The following SUZ12 variants were observed in gnomAD, a reference collection of about 807,000 sequenced individuals.
SUZ12 encodes the protein SUZ12 polycomb repressive complex 2 subunit.
Under a neutral mutation model 87.3 loss-of-function variants are expected in SUZ12, and 17 were observed. The ratio of observed to expected loss-of-function variants is 0.19; its 90% CI spans 0.13 to 0.29. SUZ12 has a LOEUF of 0.29. SUZ12 is among the 10% of genes least tolerant of loss of function. SUZ12 has a pLI of 1.00. For synonymous variants in SUZ12, 253 were observed against 312.4 expected (o/e 0.81, Z 2.01); for missense variants, 526 against 912.2 (o/e 0.58, Z 5.45).
intron 8 of SUZ12, among the ~76,000 whole-genome samples, chr17:31,978,152 G>A (rs1438913627): frequency 2.0e-5 from 3 of 152,022 alleles, no homozygotes; most frequent in Non-Finnish European, 4.4e-5. Context: ...GTCAGGTATA[G>A]GACAAAGAAC....
rs1478319219 is a variant in SUZ12 at position 31,937,308 on chromosome 17, G to A, written c.62G>A (p.Gly21Glu). Residue 21 changes from glycine (G) to glutamate (E), a missense_variant, in exon 1 of 16, where the codon GGG (glycine) becomes GAG (glutamate). Physicochemically the swap from Gly to Glu is moderately conservative, Grantham distance 98. Coordinates refer to ENST00000322652, the MANE Select transcript of SUZ12 (RefSeq NM_015355.4). Reference sequence around the variant, plus strand: ...GGCTCGGGGCCCAGCGCGGGGTCCGGGGGAGGCGGCTTCGGGGGTTCGGCG... The same window carrying A: ...GGCTCGGGGCCCAGCGCGGGGTCCGAGGGAGGCGGCTTCGGGGGTTCGGCG... The part of the protein sequence containing the change: ...GGGSGPSAGS[G>E]GGGFGGSAAV... The A allele has an allele frequency of 1.4e-6, 2 of 1,437,656 alleles. No homozygotes were observed. Among genetic ancestry groups the A allele is most frequent in the African/African-American group, 3.0e-5 (2 of 66,668 alleles). The allele number at this position is 1,437,656 out of a possible 1,614,324, so 89.1% of individuals were successfully genotyped here.
At chr17:31,949,655 ACCC>A (rs1906829594) in intron 4 of SUZ12, among the ~76,000 whole-genome samples, 1 of 9,456 alleles carries the variant, frequency 1.1e-4, no homozygotes, top group Non-Finnish European at 2.1e-4. Flanking sequence ...CTGCCACCAC[ACCC>A]AGCCCCCCCC....
At chr17:31,985,305 G>C (rs1232906417) in intron 9 of SUZ12, among the ~76,000 whole-genome samples, 2 of 151,678 alleles carry the variant, frequency 1.3e-5, no homozygotes, top group Non-Finnish European at 2.9e-5. Flanking sequence ...AACAAAAGAT[G>C]TAGGTAACAG....
chr17:31,942,796 A>T (rs536357978), intron 3 of SUZ12, among the ~76,000 whole-genome samples: 23 of 152,200 alleles, frequency 1.5e-4, no homozygotes, highest in Non-Finnish European at 2.9e-4. Context: ...ACCATACATA[A>T]TTATCAATGC....
chr17:31,941,182 A>G (rs189023640), intron 3 of SUZ12, among the ~76,000 whole-genome samples: 2,673 of 150,750 alleles, frequency 0.018, 79 homozygotes, highest in African/African-American at 0.06. Context: ...GCTCACTGCA[A>G]GCTCCGCCTC....
In SUZ12 at chr17:31,966,200, T is replaced by A; in HGVS notation, c.505+4T>A. 1 of 1,603,682 alleles carries A rather than the reference T, an allele frequency of 6.2e-7. No homozygotes were observed. The highest frequency in any genetic ancestry group is 8.5e-7 in the Non-Finnish European group (1 of 1,176,376). ...ACTGGTTTCTTCCACAAAAATGGTA[T>A]GTATTTAAAAGTAAATAAAGTGGCA... is the stretch of plus-strand genomic sequence containing the variant. On this transcript the variant is annotated splice_donor_region_variant and intron_variant, in intron 5 of 15. Coordinates refer to ENST00000322652, the MANE Select transcript of SUZ12 (RefSeq NM_015355.4).
intron 4 of SUZ12, among the ~76,000 whole-genome samples, chr17:31,948,140 C>A (rs2068972756): frequency 6.6e-6 from 1 of 152,076 alleles, no homozygotes; most frequent in South Asian, 2.1e-4. Context: ...TATCAGGCAA[C>A]ATATTCATAA....
chr17:31,991,384 G>C (rs1909713100), intron 10 of SUZ12, among the ~76,000 whole-genome samples: 1 of 142,224 alleles, frequency 7.0e-6, no homozygotes, highest in African/African-American at 3.1e-5. Flanking sequence ...ATAAGAAATG[G>C]CTTGTGTCAG....
chr17:31,994,877 G>C lies in SUZ12; in HGVS notation c.1595+156G>C, dbSNP rs1390899830. Among the ~76,000 whole-genome samples, 3 of 152,184 alleles carry C rather than the reference G, an allele frequency of 2.0e-5. No individual in the cohort carries two copies. In the East Asian group the frequency reaches 5.8e-4, roughly 29 times the overall value. On this transcript the variant is annotated intron_variant, in intron 13 of 15. Coordinates refer to ENST00000322652, the MANE Select transcript of SUZ12 (RefSeq NM_015355.4). ...GGTTGTTAACTACTTTATAACACTT[G>C]ATAGCTCCTATTTCTACAGAGAAGT...
At chr17:31,940,060 C>T (rs1425780720) in intron 1 of SUZ12, among the ~76,000 whole-genome samples, 2 of 152,098 alleles carry the variant, frequency 1.3e-5, no homozygotes, top group Non-Finnish European at 2.9e-5. Flanking sequence ...TGTAGAGAAC[C>T]TTCAGTATAA....
At chr17:31,943,124 G>A (rs909137043) in intron 3 of SUZ12, among the ~76,000 whole-genome samples, 1 of 152,190 alleles carries the variant, frequency 6.6e-6, no homozygotes, top group Non-Finnish European at 1.5e-5. Context: ...TTGCATTGCA[G>A]TTAATAGGTG....
intron 10 of SUZ12, 62 bp from the exon 11 acceptor site, chr17:31,993,179 AG>A: frequency 1.0e-6 from 1 of 982,732 alleles, no homozygotes; most frequent in South Asian, 1.6e-5. Flanking sequence ...AGTTTTTGTG[AG>A]GTATGTTATT....
intron 4 of SUZ12, among the ~76,000 whole-genome samples, chr17:31,963,633 C>T (rs1907889715): frequency 6.6e-6 from 1 of 152,044 alleles, no homozygotes; most frequent in African/African-American, 2.4e-5. Flanking sequence ...AGCAATTCTC[C>T]TGCCTCAGCC....
At chr17:31,983,271 A>ATTTTTTT (rs1909215060) in intron 9 of SUZ12, among the ~76,000 whole-genome samples, 167 bp downstream of exon 9, 1 of 129,102 alleles carries the variant, frequency 7.7e-6, no homozygotes, top group African/African-American at 3.3e-5. Flanking sequence ...GGAAGGTATC[A>ATTTTTTT]TTCTTTTTTT....
At position 31,991,757 on chromosome 17, in the gene SUZ12, A is replaced by C. The variant is rs965615654; in HGVS notation, c.1202-1485A>C. Among the ~76,000 whole-genome samples the C allele has an allele frequency of 2.8e-4, 42 of 151,796 alleles. 2 individuals carry two copies. Reference sequence around the variant, plus strand: ...GTAGCTGGGACTACAGGTGTGTGCCACCATGCCTGGCTAGTTTTTTTTCAT... The same window carrying C: ...GTAGCTGGGACTACAGGTGTGTGCCCCCATGCCTGGCTAGTTTTTTTTCAT... On this transcript the variant is annotated intron_variant, in intron 10 of 15. Transcript: ENST00000322652.
intron 5 of SUZ12, among the ~76,000 whole-genome samples, chr17:31,967,848 A>G (rs1190007444): frequency 6.6e-6 from 1 of 152,166 alleles, no homozygotes; most frequent in African/African-American, 2.4e-5. Flanking sequence ...GCTGGGCAAC[A>G]GAGTGAGACC....
At chr17:31,974,820 A>G (rs1908648747) in intron 6 of SUZ12, among the ~76,000 whole-genome samples, 1 of 152,196 alleles carries the variant, frequency 6.6e-6, no homozygotes, top group Admixed American at 6.6e-5. Context: ...ATACTGTCAT[A>G]AAAGTCTTCT....
chr17:31,983,166 TTTC>T lies in SUZ12; in HGVS notation c.1023+66_1023+68del, dbSNP rs752463296. 1.1e-4 allele frequency: 172 copies of T among 1,515,652 alleles called. 3 individuals carry two copies. In the Middle Eastern group the frequency reaches 2.3e-3, roughly 20 times the overall value. The allele number at this position is 1,515,652 out of a possible 1,614,324, so 93.9% of individuals were successfully genotyped here. On this transcript the variant is annotated intron_variant, in intron 9 of 15. Transcript: ENST00000322652. ...ATGAACTCCCATTTTTGACTGATGTTTTCTTCCCCAAATGCTAATTCATGTTGG... is the reference window on the plus strand; with the variant it reads ...ATGAACTCCCATTTTTGACTGATGTTTTCCCCAAATGCTAATTCATGTTGG...
chr17:31,987,782 C>T (rs796628088), intron 9 of SUZ12, among the ~76,000 whole-genome samples: 1 of 151,922 alleles, frequency 6.6e-6, no homozygotes, highest in East Asian at 1.9e-4. Context: ...AACACACACA[C>T]AAAAAATTAG....
Sources: allele counts gnomAD v4.1 joint callset (sites outside exome capture counted in the v4.1 genomes callset), GRCh38; gene constraint gnomAD v4.1.1; transcripts MANE v1.5; gene names NCBI Gene and HGNC (gene_info 2026-07-23, HGNC 2026-07-21).